SON: variants seen among roughly 807,000 people sequenced by gnomAD.
SON encodes the protein protein SON.
In SON, 4 loss-of-function variants were observed where a neutral mutation model predicts 173.3. That is an observed-to-expected ratio of 0.02 (90% CI 0.01 to 0.05). The LOEUF (loss-of-function observed/expected upper bound fraction) is 0.05, where lower values mean the gene tolerates loss of function less well. Ranked by LOEUF, SON falls within the 10% of genes least tolerant of loss-of-function variation. The probability of loss-of-function intolerance (pLI) is 1.00; values close to 1 mark genes in which losing one functional copy is unlikely to be tolerated. For missense variants in SON, 2,626 were observed against 3,055.3 expected (o/e 0.86, Z 3.31); for synonymous variants, 1,190 against 1,105.9 (o/e 1.08, Z -1.51).
At chr21:33,575,454 A>AGATT (rs1264549649) in intron 9 of SON, 142 bp from the exon 10 acceptor site, 3 of 511,340 alleles carry the variant, frequency 5.9e-6, no homozygotes, top group Non-Finnish European at 1.0e-5. Flanking sequence ...AAGAAAGAGA[A>AGATT]GATTGATAGA....
chr21:33,575,006 A>G (rs1007093455), intron 9 of SON, among the ~76,000 whole-genome samples: 1 of 152,128 alleles, frequency 6.6e-6, no homozygotes, highest in Non-Finnish European at 1.5e-5. Flanking sequence ...TTTTTTTAAG[A>G]GACAGTAAAT....
rs2085737786 is a variant in SON, at chr21:33,550,345, C to G, written c.1114C>G (p.Leu372Val). 1 of 1,614,010 alleles carries G rather than the reference C, an allele frequency of 6.2e-7. No individual in the cohort carries two copies. Among genetic ancestry groups the G allele is most frequent in the African/African-American group, 1.3e-5 (1 of 74,918 alleles). ...GCTGCCTAAGACCACAGCGTTGGAG[C>G]TGCAGGAGTCGTCGGTGGCCTCAGC... ...PELPKTTALE[L>V]QESSVASAME... Residue 372 changes from leucine to valine, a missense_variant, in exon 3 of 12, where the codon CTG becomes GTG. By Grantham distance (32) the Leu-to-Val change is conservative. Transcript: ENST00000356577.
At chr21:33,576,257 T>C (rs973102000) in intron 11 of SON, 108 bp from the exon 12 acceptor site, 11 of 711,466 alleles carry the variant, frequency 1.5e-5, no homozygotes, top group African/African-American at 5.3e-5. Context: ...TTACATAGTA[T>C]GGGTTTTATA....
Position 33,559,790 on chromosome 21 carries a change from T to C in SON, c.6657+15T>C. ...TGCCCTCAGAGGTAAGTAGGAGGAA[T>C]ATTATGTATTTTTCCTTTTTTATAC... On this transcript the variant is annotated intron_variant, in intron 6 of 11. Transcript: ENST00000356577. The surrounding 1 kb of genome is among the most constrained non-coding windows in gnomAD (Gnocchi z 4.1). 6.2e-7 allele frequency: 1 copy of C among 1,609,994 alleles called. No individual in the cohort carries two copies. The highest frequency in any genetic ancestry group is 8.5e-7 in the Non-Finnish European group (1 of 1,177,840).
At chr21:33,562,903 G>A (rs2086094318) in intron 6 of SON, among the ~76,000 whole-genome samples, 1 of 152,130 alleles carries the variant, frequency 6.6e-6, no homozygotes, top group Admixed American at 6.5e-5. Context: ...CATGGATTTA[G>A]TATCAATCAA....
rs140872276 is a variant in SON, at chr21:33,565,652, A to G, written c.6658-1505A>G. Among the ~76,000 whole-genome samples, 6 of 152,282 alleles carry G rather than the reference A, an allele frequency of 3.9e-5. No homozygotes were observed. In the East Asian group the frequency reaches 1.2e-3, roughly 29 times the overall value. ...TTCTAATAGGTCTTAGAATTGTTCT[A>G]ATTTGTGTGATGATTTACTTAAATC... On this transcript the variant is annotated intron_variant, in intron 6 of 11. Transcript: ENST00000356577.
chr21:33,563,783 T>C (rs2086113247), intron 6 of SON, among the ~76,000 whole-genome samples: 1 of 152,222 alleles, frequency 6.6e-6, no homozygotes, highest in African/African-American at 2.4e-5. Flanking sequence ...ATGCATGTTA[T>C]ATGGTGCCAG....
intron 1 of SON, among the ~76,000 whole-genome samples, chr21:33,544,542 AT>A (rs995988392): frequency 1.1e-4 from 16 of 149,250 alleles, no homozygotes; most frequent in African/African-American, 1.7e-4. Flanking sequence ...ATGTCATTTC[AT>A]TTCCCCCCCC....
chr21:33,550,862 T>A lies in SON; in HGVS notation c.1631T>A (p.Met544Lys). 3.1e-6 allele frequency: 5 copies of A among 1,612,952 alleles called. No homozygotes were observed. Among genetic ancestry groups the A allele is most frequent in the Non-Finnish European group, 4.2e-6 (5 of 1,179,306 alleles). The change falls in exon 3 of 12, where the codon ATG (methionine) becomes AAG (lysine). Residue 544 changes from methionine (M) to lysine (K), a missense_variant. By Grantham distance (95) the Met-to-Lys change is moderately conservative. This residue lies in a region of SON where 757 missense variants were observed against 730.1 expected (regional missense o/e 1.04). Transcript: ENST00000356577. ...TGLLGQPEAT[M>K]VLELPGQPVA... The stretch of plus-strand genomic sequence containing the variant: ...TTGCTGGGGCAGCCTGAGGCAACGA[T>A]GGTGCTGGAGTTGCCAGGACAGCCA...
rs1601294963 is a variant in SON at position 33,570,376 on chromosome 21, T to A, written c.6885+1289T>A. Among the ~76,000 whole-genome samples the A allele has an allele frequency of 3.9e-5, 6 of 152,358 alleles. 1 individual carries two copies. In the South Asian group the frequency reaches 1.2e-3, roughly 32 times the overall value. ...TAACATTTATTTCAATTTTGATAGC[T>A]TTATCTTTGTTGATCTTACTAACAA... On this transcript the variant is annotated intron_variant, in intron 8 of 11. Transcript: ENST00000356577.
rs538941638 is a variant in SON, at chr21:33,572,734, T to C, written c.6886-574T>C. On this transcript the variant is annotated intron_variant, in intron 8 of 11. Transcript: ENST00000356577. The stretch of plus-strand genomic sequence containing the variant: ...CATACTTACAGGATATTTTATGTGA[T>C]TGTTTTCTATTTGTTACTGTGTAAA... The C allele has an allele frequency of 7.7e-5, 40 of 516,304 alleles. 1 individual carries two copies. The highest frequency in any genetic ancestry group is 6.6e-4 in the South Asian group (37 of 55,924). 32.0% of individuals were successfully genotyped at this position (516,304 alleles called of 1,614,324 possible).
chr21:33,550,815 T>C lies in SON; in HGVS notation c.1584T>C (p.Pro528=), dbSNP rs2085758626. The change falls in exon 3 of 12, where the codon CCT becomes CCC. Residue 528 remains proline (P), a synonymous_variant. Transcript: ENST00000356577. ...CAACGGTGGAACATCCTGGGCATCC[T>C]GAGGTGACAACGGCAACAGGGTTGC... The part of the protein sequence containing the change: ...GMTTVEHPGH[P]EVTTATGLLG... 1.2e-6 allele frequency: 2 copies of C among 1,613,922 alleles called. No homozygotes were observed. Among genetic ancestry groups the C allele is most frequent in the Admixed American group, 3.3e-5 (2 of 60,000 alleles).
At chr21:33,565,353 A>G (rs2086146956) in intron 6 of SON, among the ~76,000 whole-genome samples, 1 of 152,220 alleles carries the variant, frequency 6.6e-6, no homozygotes, top group Admixed American at 6.5e-5. Flanking sequence ...TTTATGCCTA[A>G]GCACCCTAAC....
chr21:33,575,441 G>A, intron 9 of SON, 155 bp from the exon 10 acceptor site: 1 of 503,326 alleles, frequency 2.0e-6, no homozygotes, highest in East Asian at 3.0e-5. Context: ...AACAGTAAAA[G>A]AGAAGAAAGA....
Position 33,554,649 on chromosome 21 carries a change from T to A in SON, c.5418T>A (p.Asn1806Lys), listed in dbSNP as rs1438166998. The A allele has an allele frequency of 6.2e-7, 1 of 1,612,724 alleles. No homozygotes were observed. Among genetic ancestry groups the A allele is most frequent in the Non-Finnish European group, 8.5e-7 (1 of 1,179,774 alleles). The change falls in exon 3 of 12, where the codon AAT (asparagine) becomes AAA (lysine). Residue 1806 changes from asparagine to lysine, a missense_variant. Physicochemically the swap from Asn to Lys is moderately conservative, Grantham distance 94. Around this residue, in one of 13 missense-constraint regions of SON, gnomAD observed 1,006 missense variants for 895.6 expected, o/e 1.12. Coordinates refer to ENST00000356577, the MANE Select transcript of SON (RefSeq NM_138927.4). Reference protein sequence around the residue: ...VKDTHEKSKKNKNRDKGEKEK... With the variant: ...VKDTHEKSKKKKNRDKGEKEK... ...ACACTCACGAAAAAAGCAAGAAAAA[T>A]AAGAACCGTGATAAGGGGGAGAAAG...
intron 2 of SON, 72 bp from the exon 3 acceptor site, chr21:33,549,404 T>C: frequency 7.7e-7 from 1 of 1,299,580 alleles, no homozygotes; most frequent in Non-Finnish European, 1.1e-6. Flanking sequence ...GGAATGTAAA[T>C]ATGGGTTTAT....
chr21:33,559,881 G>C lies in SON; in HGVS notation c.6657+106G>C. On this transcript the variant is annotated intron_variant, in intron 6 of 11. Coordinates refer to ENST00000356577, the MANE Select transcript of SON (RefSeq NM_138927.4). This position sits in a 1 kb window ranked among gnomAD's most constrained non-coding sequence, Gnocchi z 4.1. ...ATTCTGTTTCACTCTTCTTAGGGCC[G>C]GGTTAAACGGCAGGGCCGGGTTAGA... The C allele has an allele frequency of 3.7e-6, 6 of 1,605,738 alleles. No individual in the cohort carries two copies. The highest frequency in any genetic ancestry group is 5.1e-6 in the Non-Finnish European group (6 of 1,174,076).
intron 3 of SON, among the ~76,000 whole-genome samples, chr21:33,556,313 CAG>C (rs532083105): frequency 2.2e-4 from 34 of 152,190 alleles, no homozygotes; most frequent in Admixed American, 1.8e-3. Flanking sequence ...CTAAAAAGGA[CAG>C]AATGTGATTA....
intron 6 of SON, among the ~76,000 whole-genome samples, chr21:33,561,267 A>C (rs1386944012): frequency 6.6e-6 from 1 of 152,178 alleles, no homozygotes; most frequent in Non-Finnish European, 1.5e-5. Flanking sequence ...TTAATCCCCC[A>C]ATCAGGCTAC....
Sources: gnomAD v4.1 joint callset for allele counts (sites outside exome capture counted in the v4.1 genomes callset) on GRCh38, gnomAD v4.1.1 for gene constraint, gnomAD v4.1.1 regional missense constraint, Gnocchi (gnomAD v3.1) non-coding constraint, MANE v1.5 for transcripts, NCBI Gene and HGNC (gene_info 2026-07-23, HGNC 2026-07-21) for gene names.